Variants in MKLN1 observed in about 807,000 individuals in gnomAD.
MKLN1 encodes the protein muskelin.
Under a neutral mutation model 99.0 loss-of-function variants are expected in MKLN1, and 18 were observed. The ratio of observed to expected loss-of-function variants is 0.18; its 90% CI spans 0.13 to 0.27. The LOEUF (loss-of-function observed/expected upper bound fraction) is 0.27, where lower values mean the gene tolerates loss of function less well. Ranked by LOEUF, MKLN1 falls within the 10% of genes least tolerant of loss-of-function variation. MKLN1 has a pLI of 1.00. For synonymous variants in MKLN1, 288 were observed against 293.2 expected (o/e 0.98, Z 0.18); for missense variants, 621 against 875.9 (o/e 0.71, Z 3.67).
chr7:131,376,534 C>T (rs1255789128), intron 2 of MKLN1, among the ~76,000 whole-genome samples: 7 of 150,370 alleles, frequency 4.7e-5, no homozygotes, highest in Non-Finnish European at 7.4e-5. Flanking sequence ...CCCAGCTACT[C>T]GGGAGGCTGA....
intron 8 of MKLN1, among the ~76,000 whole-genome samples, chr7:131,415,670 CT>C (rs1794998573): frequency 6.6e-6 from 1 of 152,060 alleles, no homozygotes; most frequent in East Asian, 1.9e-4. Context: ...TTCCAAATGC[CT>C]TTCTGCCCTG....
chr7:131,486,007 A>G (rs1797262206), intron 17 of MKLN1, among the ~76,000 whole-genome samples: 1 of 152,050 alleles, frequency 6.6e-6, no homozygotes, highest in South Asian at 2.1e-4. Flanking sequence ...AGCTGAAATT[A>G]GTTTGAGCCT....
chr7:131,334,007 A>G (rs1167640728), intron 1 of MKLN1, among the ~76,000 whole-genome samples: 1 of 152,238 alleles, frequency 6.6e-6, no homozygotes, highest in Non-Finnish European at 1.5e-5. Flanking sequence ...AGAGATGTCT[A>G]GAGGATGCTT....
At chr7:131,273,894 C>T (rs1297464048) in intron 3 of MKLN1, among the ~76,000 whole-genome samples, 1 of 152,118 alleles carries the variant, frequency 6.6e-6, no homozygotes, top group African/African-American at 2.4e-5. Flanking sequence ...GTGTGAGCCA[C>T]CGCGCCCAGC....
At chr7:131,186,964 G>A (rs1796460318) in intron 2 of MKLN1, among the ~76,000 whole-genome samples, 1 of 152,212 alleles carries the variant, frequency 6.6e-6, no homozygotes, top group Admixed American at 6.5e-5. Flanking sequence ...AGAGGGCTAA[G>A]TGTGTTCCAG....
At chr7:131,480,020 CA>C (rs1224471886) in intron 17 of MKLN1, among the ~76,000 whole-genome samples, 4,916 of 61,292 alleles carry the variant, frequency 0.08, 231 homozygotes, top group African/African-American at 0.22. Context: ...GACTCCATCT[CA>C]AAAAAAAAAA....
Position 131,327,889 on chromosome 7 carries a change from G to T in MKLN1, c.-11G>T. Reference sequence around the variant, plus strand: ...CCAGCGGTCGGTGGCGGCCGCTACGGTGCTGACAAGATGGCGGCTGGCGGA... The same window carrying T: ...CCAGCGGTCGGTGGCGGCCGCTACGTTGCTGACAAGATGGCGGCTGGCGGA... On this transcript the variant is annotated 5_prime_UTR_variant, in exon 1 of 18. Coordinates refer to ENST00000352689, the MANE Select transcript of MKLN1 (RefSeq NM_013255.5). 1.2e-6 allele frequency: 2 copies of T among 1,611,462 alleles called. No homozygotes were observed. Among genetic ancestry groups the T allele is most frequent in the South Asian group, 1.1e-5 (1 of 91,066 alleles).
In MKLN1 at chr7:131,358,227, C is replaced by G. The variant is rs142121620; in HGVS notation, c.99-17197C>G. ...AAATTGAAGAGGGCTGCCTGAATTCCTAGTTAGCTAAGATTTTTAATCATG... is the reference window on the plus strand; with the variant it reads ...AAATTGAAGAGGGCTGCCTGAATTCGTAGTTAGCTAAGATTTTTAATCATG... On this transcript the variant is annotated intron_variant, in intron 1 of 17. Coordinates refer to ENST00000352689, the MANE Select transcript of MKLN1 (RefSeq NM_013255.5). 3.5e-3 allele frequency among the ~76,000 whole-genome samples: 530 copies of G among 152,164 alleles called. 3 individuals are homozygous for G. Among genetic ancestry groups the G allele is most frequent in the African/African-American group, 0.012 (508 of 41,514 alleles).
chr7:131,222,913 G>C lies in MKLN1; in HGVS notation c.-179+19939G>C, dbSNP rs375368119. Among the ~76,000 whole-genome samples, 6 of 151,492 alleles carry C rather than the reference G, an allele frequency of 4.0e-5. No individual in the cohort carries two copies. In the East Asian group the frequency reaches 1.2e-3, roughly 29 times the overall value. The stretch of plus-strand genomic sequence containing the variant: ...AAAAACTAGCCATGCATGGTGGTGC[G>C]CACCTGTTATCCTAGTTACTTGGGA... On this transcript the variant is annotated intron_variant, in intron 3 of 7. Coordinates refer to the MKLN1 transcript ENST00000416992.
rs560657565 is a variant in MKLN1, at chr7:131,366,986, G to A, written c.99-8438G>A. Among the ~76,000 whole-genome samples, 5 of 152,212 alleles carry A rather than the reference G, an allele frequency of 3.3e-5. No homozygotes were observed. The South Asian group carries it at 1.0e-3, about 32-fold the overall frequency. On this transcript the variant is annotated intron_variant, in intron 1 of 17. Coordinates refer to ENST00000352689, the MANE Select transcript of MKLN1 (RefSeq NM_013255.5). ...GTTTGTTACTGACATTTAATTGGTA[G>A]TATATACAGATATAGTAGATTTTAA...
intron 12 of MKLN1, among the ~76,000 whole-genome samples, chr7:131,458,729 A>T (rs1419991507): frequency 6.6e-6 from 1 of 152,006 alleles, no homozygotes; most frequent in African/African-American, 2.4e-5. Flanking sequence ...ATATATATGT[A>T]GTCATATGTA....
chr7:131,391,993 CAG>C (rs1305636148), intron 4 of MKLN1, among the ~76,000 whole-genome samples: 2 of 152,060 alleles, frequency 1.3e-5, no homozygotes, highest in African/African-American at 2.4e-5. Context: ...AATTTAGTAA[CAG>C]AGGTGAGTTA....
chr7:131,364,788 C>T (rs548045484), intron 1 of MKLN1, among the ~76,000 whole-genome samples: 43 of 152,098 alleles, frequency 2.8e-4, no homozygotes, highest in African/African-American at 9.4e-4. Flanking sequence ...GAAATGATCT[C>T]GTTTTTTTTA....
At chr7:131,116,102 G>A (rs949009500) in intron 1 of MKLN1, among the ~76,000 whole-genome samples, 8 of 151,996 alleles carry the variant, frequency 5.3e-5, no homozygotes, top group Admixed American at 2.0e-4. Context: ...TCAGGAGATC[G>A]AGACCATCCT....
chr7:131,113,291 TA>T (rs1795224475), intron 1 of MKLN1, among the ~76,000 whole-genome samples: 1 of 152,074 alleles, frequency 6.6e-6, no homozygotes, highest in South Asian at 2.1e-4. Context: ...GTACTATGTG[TA>T]AAGACCTTAG....
rs1241512314 is a variant in MKLN1, at chr7:131,492,406, A to G, written c.*4678A>G. The G allele has an allele frequency of 6.6e-6, 1 of 152,070 alleles. No individual in the cohort carries two copies. Among genetic ancestry groups the G allele is most frequent in the Non-Finnish European group, 1.5e-5 (1 of 68,012 alleles). 9.4% of individuals were successfully genotyped at this position (152,070 alleles called of 1,614,324 possible). A position where few individuals can be genotyped will look rare whatever the true frequency, so the allele number is the denominator to read the frequency against. ...CTTTTTTTTTCCTTAAATAAAAATA[A>G]TGCAGCCTTATATATGTCTCTTCCC... On this transcript the variant is annotated 3_prime_UTR_variant, in exon 18 of 18. Transcript: ENST00000352689.
At chr7:131,438,052 C>A in intron 10 of MKLN1, 55 bp downstream of exon 10, 1 of 1,350,546 alleles carries the variant, frequency 7.4e-7, no homozygotes, top group Non-Finnish European at 1.1e-6. Context: ...GTGATTCTTG[C>A]AATTAGAGTT....
intron 3 of MKLN1, among the ~76,000 whole-genome samples, chr7:131,225,421 A>G (rs925981696): frequency 2.0e-5 from 3 of 152,194 alleles, no homozygotes; most frequent in Non-Finnish European, 2.9e-5. Context: ...TTTTCAATAC[A>G]TGAAATTTGG....
chr7:131,291,483 G>A (rs1455143624), intron 3 of MKLN1, among the ~76,000 whole-genome samples: 3 of 151,530 alleles, frequency 2.0e-5, no homozygotes, highest in South Asian at 2.1e-4. Context: ...TATGTAGTAA[G>A]AGTACTTATG....
Sources: gnomAD v4.1 joint callset for allele counts (sites outside exome capture counted in the v4.1 genomes callset) on GRCh38, gnomAD v4.1.1 for gene constraint, MANE v1.5 for transcripts, NCBI Gene and HGNC (gene_info 2026-07-23, HGNC 2026-07-21) for gene names.